Variants in TNS3 observed in about 807,000 individuals in gnomAD.
TNS3 encodes the protein tensin 3.
Under a neutral mutation model 140.9 loss-of-function variants are expected in TNS3, and 45 were observed. The ratio of observed to expected loss-of-function variants is 0.32; its 90% CI spans 0.25 to 0.41. The LOEUF (loss-of-function observed/expected upper bound fraction) is 0.41, where lower values mean the gene tolerates loss of function less well. Among genes scored for constraint, TNS3 ranks in the 10% least tolerant of loss-of-function variants. TNS3 has a pLI of 1.00. For missense variants in TNS3, 1,716 were observed against 1,906.7 expected, an observed-to-expected ratio of 0.90 and a Z score of 1.86; for synonymous variants, 815 against 788.4, an observed-to-expected ratio of 1.03 and a Z score of -0.56.
intron 20 of TNS3, among the ~76,000 whole-genome samples, chr7:47,320,788 T>A (rs1012948728): frequency 1.3e-5 from 2 of 151,566 alleles, no homozygotes; most frequent in Admixed American, 1.3e-4. Flanking sequence ...GTGGAGGGAG[T>A]CACAATTCAG....
chr7:47,576,302 C>G (rs942276533), intron 1 of TNS3, among the ~76,000 whole-genome samples: 4 of 152,088 alleles, frequency 2.6e-5, no homozygotes, highest in Non-Finnish European at 5.9e-5. Context: ...AACAAAACCC[C>G]ACGTGGCTCC....
chr7:47,343,481 G>A (rs931678925), intron 20 of TNS3, among the ~76,000 whole-genome samples: 8 of 152,316 alleles, frequency 5.3e-5, no homozygotes, highest in African/African-American at 1.9e-4. Context: ...TTTTGGTGTT[G>A]CAGGAGAAGA....
chr7:47,501,190 G>A (rs886637448), intron 3 of TNS3, among the ~76,000 whole-genome samples: 3 of 41,528 alleles, frequency 7.2e-5, no homozygotes, highest in Non-Finnish European at 1.2e-4. Flanking sequence ...GGAAGGAAGG[G>A]AGGGAGGGAG....
At chr7:47,442,473 T>C (rs758217596) in intron 4 of TNS3, among the ~76,000 whole-genome samples, 6 of 152,246 alleles carry the variant, frequency 3.9e-5, no homozygotes, top group African/African-American at 7.2e-5. Flanking sequence ...TACCTACTCT[T>C]TTTTAAAGAG....
At chr7:47,526,363 G>A (rs149472773) in intron 2 of TNS3, among the ~76,000 whole-genome samples, 5 of 152,346 alleles carry the variant, frequency 3.3e-5, no homozygotes, top group African/African-American at 9.6e-5. Context: ...TGGTGCAGAG[G>A]CTAACCAAAC....
At position 47,482,305 on chromosome 7, in the gene TNS3, G is replaced by T. The variant is rs151303614; in HGVS notation, c.-114-1164C>A. Among the ~76,000 whole-genome samples the T allele has an allele frequency of 8.3e-4, 127 of 152,232 alleles. No homozygotes were observed. The East Asian group carries it at 0.019, about 23-fold the overall frequency. Reference sequence around the variant, plus strand: ...ATTTATAGCCTCTTGCTTATCTTACGCAGTCCAGTCCTCAGGGAGTATGTG... The same window carrying T: ...ATTTATAGCCTCTTGCTTATCTTACTCAGTCCAGTCCTCAGGGAGTATGTG... On this transcript the variant is annotated intron_variant, in intron 3 of 30. Transcript: ENST00000311160.
intron 17 of TNS3, among the ~76,000 whole-genome samples, chr7:47,356,815 G>A (rs2151065010): frequency 6.6e-6 from 1 of 152,066 alleles, no homozygotes; most frequent in Middle Eastern, 3.4e-3. Context: ...AGTGGCTCAC[G>A]CCTGTAATCC....
At chr7:47,303,852 G>C (rs765294149) in intron 21 of TNS3, among the ~76,000 whole-genome samples, 1 of 152,162 alleles carries the variant, frequency 6.6e-6, no homozygotes, top group Non-Finnish European at 1.5e-5. Context: ...CTCCACATGC[G>C]CAGATGCTGC....
At chr7:47,408,591 C>T (rs1180818198) in intron 13 of TNS3, among the ~76,000 whole-genome samples, 1 of 152,186 alleles carries the variant, frequency 6.6e-6, no homozygotes, top group Non-Finnish European at 1.5e-5. Flanking sequence ...GCAGTTTCAT[C>T]CTCTGCCAGG....
chr7:47,576,120 C>G (rs1339185586), intron 1 of TNS3, among the ~76,000 whole-genome samples: 1 of 152,044 alleles, frequency 6.6e-6, no homozygotes, highest in Non-Finnish European at 1.5e-5. Flanking sequence ...ATCACGCTGG[C>G]CTCCCCTGTG....
At chr7:47,579,914 C>T in intron 1 of TNS3, 5 of 866,728 alleles carry the variant, frequency 5.8e-6, no homozygotes, top group Non-Finnish European at 6.9e-6. Flanking sequence ...GAAGAGCATA[C>T]TTTGACACCC....
At chr7:47,370,541 T>C (rs148833867) in intron 16 of TNS3, among the ~76,000 whole-genome samples, 3 of 152,350 alleles carry the variant, frequency 2.0e-5, no homozygotes, top group Non-Finnish European at 4.4e-5. Context: ...GCTGCTATTA[T>C]TAATCACGGC....
At chr7:47,556,215 CAGT>C (rs1191323739) in intron 1 of TNS3, among the ~76,000 whole-genome samples, 1 of 152,198 alleles carries the variant, frequency 6.6e-6, no homozygotes, top group Admixed American at 6.5e-5. Context: ...GACAATTGAG[CAGT>C]AAGAGGTTCT....
At chr7:47,572,695 G>A (rs1800585298) in intron 1 of TNS3, among the ~76,000 whole-genome samples, 1 of 152,130 alleles carries the variant, frequency 6.6e-6, no homozygotes, top group Admixed American at 6.5e-5. Flanking sequence ...GGCCAACATG[G>A]TGAAACACTG....
chr7:47,572,873 G>A (rs1800590791), intron 1 of TNS3, among the ~76,000 whole-genome samples: 2 of 151,320 alleles, frequency 1.3e-5, no homozygotes, highest in African/African-American at 4.9e-5. Context: ...AAAAAAAAAA[G>A]AGCAAAACAT....
At chr7:47,382,419 T>G (rs1028473843) in intron 16 of TNS3, among the ~76,000 whole-genome samples, 5 of 152,242 alleles carry the variant, frequency 3.3e-5, no homozygotes, top group Non-Finnish European at 5.9e-5. Flanking sequence ...CGCTCTCATT[T>G]TCTACAGGTT....
rs1302155996 is a variant in TNS3, at chr7:47,453,158, G to A, written c.-75-11103C>T. On this transcript the variant is annotated intron_variant, in intron 4 of 30. Coordinates refer to ENST00000311160, the MANE Select transcript of TNS3 (RefSeq NM_022748.12). ...CCACAGCCAGGAGCAGCTGGCAGGTGTGCCCGGCCCCACGGTGAGCACGCA... is the reference window on the plus strand; with the variant it reads ...CCACAGCCAGGAGCAGCTGGCAGGTATGCCCGGCCCCACGGTGAGCACGCA... 8.1e-6 allele frequency: 8 copies of A among 985,670 alleles called. No homozygotes were observed. The African/African-American group carries it at 8.7e-5, about 11-fold the overall frequency. 61.1% of individuals were successfully genotyped at this position (985,670 alleles called of 1,614,324 possible).
rs1053452150 is a variant in TNS3 at position 47,411,035 on chromosome 7, G to A, written c.723+692C>T. 7.2e-5 allele frequency among the ~76,000 whole-genome samples: 11 copies of A among 152,236 alleles called. No individual in the cohort carries two copies. In the East Asian group the frequency reaches 2.1e-3, roughly 29 times the overall value. ...TTGCACCAGCTGTATTTCACACTTT[G>A]GCTATTAATGATACATAAATATTCT... is the stretch of plus-strand genomic sequence containing the variant. On this transcript the variant is annotated intron_variant, in intron 13 of 30. Transcript: ENST00000311160.
chr7:47,574,626 G>GACAC (rs3066624), intron 1 of TNS3, among the ~76,000 whole-genome samples: 80,949 of 145,502 alleles, frequency 0.56, 22,466 homozygotes, highest in Non-Finnish European at 0.61. Context: ...TATTCATACA[G>GACAC]ACACACACAC....
Sources: allele counts gnomAD v4.1 joint callset (sites outside exome capture counted in the v4.1 genomes callset), GRCh38; gene constraint gnomAD v4.1.1; transcripts MANE v1.5; gene names NCBI Gene and HGNC (gene_info 2026-07-23, HGNC 2026-07-21).